Variants in KCNIP4 observed in about 807,000 individuals in gnomAD.
KCNIP4 encodes the protein potassium voltage-gated channel interacting protein 4, also known as Kv channel-interacting protein 4.
KCNIP4 carries 12 observed loss-of-function variants against 34.0 expected under a neutral mutation model. The observed-to-expected ratio is 0.35, with a 90% CI of 0.23 to 0.57. KCNIP4 has a LOEUF of 0.57. Ranked by LOEUF, KCNIP4 falls within the 20% of genes least tolerant of loss-of-function variation. The pLI is 0.83. For synonymous variants in KCNIP4, 124 were observed against 102.2 expected (o/e 1.21, Z -1.29); for missense variants, 238 against 311.7 (o/e 0.76, Z 1.78).
rs543090626 is a variant in KCNIP4, at chr4:21,314,151, C to T, written c.62-431442G>A. Reference sequence around the variant, plus strand: ...ATCTCCTAGACATTGCTCTTGGTGCCGTGTTCTGTCTGCAATGTGGTAGGT... The same window carrying T: ...ATCTCCTAGACATTGCTCTTGGTGCTGTGTTCTGTCTGCAATGTGGTAGGT... On this transcript the variant is annotated intron_variant, in intron 1 of 8. Transcript: ENST00000382152. Among the ~76,000 whole-genome samples the T allele has an allele frequency of 9.9e-5, 15 of 152,242 alleles. No individual in the cohort carries two copies. In the South Asian group the frequency reaches 1.7e-3, roughly 17 times the overall value.
intron 4 of KCNIP4, among the ~76,000 whole-genome samples, chr4:20,755,536 A>C (rs552394341): frequency 6.6e-6 from 1 of 152,218 alleles, no homozygotes; most frequent in Non-Finnish European, 1.5e-5. Flanking sequence ...AACAGTAAAC[A>C]AAGTGGAGAA....
intron 1 of KCNIP4, among the ~76,000 whole-genome samples, chr4:21,334,768 G>A (rs1716004565): frequency 6.6e-6 from 1 of 151,528 alleles, no homozygotes; most frequent in South Asian, 2.1e-4. Context: ...TATACAGTAT[G>A]TGATCTTTTG....
rs111656353 is a variant in KCNIP4, at chr4:20,826,414, A to AT, written c.288+24128dup. On this transcript the variant is annotated intron_variant, in intron 3 of 8. Coordinates refer to ENST00000382152, the MANE Select transcript of KCNIP4 (RefSeq NM_025221.6). ...GCATAGTGAGACCCCCATCTCTAAA[A>AT]TTTTTTTTTTTTTTCCAAAATTTAG... Among the ~76,000 whole-genome samples the AT allele has an allele frequency of 2.2e-3, 325 of 144,810 alleles. 1 individual carries two copies. Among genetic ancestry groups the AT allele is most frequent in the Middle Eastern group, 0.018 (5 of 278 alleles).
intron 1 of KCNIP4, among the ~76,000 whole-genome samples, chr4:21,445,376 A>G (rs539841042): frequency 6.6e-6 from 1 of 151,978 alleles, no homozygotes; most frequent in African/African-American, 2.4e-5. Context: ...TCAAACTATA[A>G]TACAAGGCTA....
chr4:21,723,269 G>C (rs1714954084), intron 1 of KCNIP4, among the ~76,000 whole-genome samples: 1 of 152,094 alleles, frequency 6.6e-6, no homozygotes, highest in Non-Finnish European at 1.5e-5. Context: ...TCCCAAATTT[G>C]AAGACCCTCC....
chr4:21,176,585 C>T (rs1482840482), intron 1 of KCNIP4, among the ~76,000 whole-genome samples: 1 of 152,198 alleles, frequency 6.6e-6, no homozygotes, highest in East Asian at 1.9e-4. Context: ...TGCAATGGCA[C>T]AGTCTTGACT....
intron 1 of KCNIP4, among the ~76,000 whole-genome samples, chr4:21,287,323 T>C (rs1763180522): frequency 6.6e-6 from 1 of 152,186 alleles, no homozygotes; most frequent in South Asian, 2.1e-4. Flanking sequence ...ATAGAATGTA[T>C]TTATAGATAC....
intron 1 of KCNIP4, among the ~76,000 whole-genome samples, chr4:21,189,313 A>AT (rs1241607824): frequency 6.6e-6 from 1 of 152,146 alleles, no homozygotes; most frequent in Non-Finnish European, 1.5e-5. Context: ...AGCTCCATCC[A>AT]TATGCCTTTT....
intron 1 of KCNIP4, among the ~76,000 whole-genome samples, chr4:21,525,913 T>A (rs1182156272): frequency 3.3e-5 from 5 of 152,184 alleles, no homozygotes; most frequent in African/African-American, 1.2e-4. Flanking sequence ...GAAAATTAAA[T>A]TTTATTGAGC....
chr4:21,895,328 C>G (rs901369266), intron 1 of KCNIP4, among the ~76,000 whole-genome samples: 2 of 152,106 alleles, frequency 1.3e-5, no homozygotes, highest in Non-Finnish European at 2.9e-5. Flanking sequence ...AGATAAAACT[C>G]TCTCAAATGG....
chr4:21,227,974 G>A (rs1012406361), intron 1 of KCNIP4, among the ~76,000 whole-genome samples: 1 of 152,138 alleles, frequency 6.6e-6, no homozygotes, highest in Non-Finnish European at 1.5e-5. Context: ...TCATTGTACA[G>A]TGATACTTTT....
intron 1 of KCNIP4, among the ~76,000 whole-genome samples, chr4:21,197,655 G>C (rs11946229): frequency 0.42 from 62,114 of 146,932 alleles, 14,662 homozygotes; most frequent in African/African-American, 0.68. Context: ...CAGAAAGAAA[G>C]AGAAAGTTTC....
intron 1 of KCNIP4, among the ~76,000 whole-genome samples, chr4:21,605,308 C>T (rs1387464699): frequency 1.3e-5 from 2 of 152,132 alleles, no homozygotes; most frequent in African/African-American, 2.4e-5. Flanking sequence ...AATAAACTTT[C>T]CTTGGAGGCT....
chr4:20,925,826 C>T (rs1460574668), intron 1 of KCNIP4, among the ~76,000 whole-genome samples: 2 of 152,120 alleles, frequency 1.3e-5, no homozygotes, highest in African/African-American at 2.4e-5. Context: ...GCACATGGGG[C>T]GAAGTTCAGA....
chr4:20,976,990 C>A lies in KCNIP4; in HGVS notation c.62-94281G>T, dbSNP rs373992806. ...CTGGGATTACAGGCATGCACCACCA[C>A]GCCTGGCTAATTTTGTATTTTTAGT... On this transcript the variant is annotated intron_variant, in intron 1 of 8. Transcript: ENST00000382152. Among the ~76,000 whole-genome samples the A allele has an allele frequency of 4.0e-3, 606 of 152,076 alleles. 3 individuals are homozygous for A. Among genetic ancestry groups the A allele is most frequent in the African/African-American group, 0.014 (566 of 41,468 alleles).
chr4:21,048,897 G>T (rs1451298197), intron 1 of KCNIP4, among the ~76,000 whole-genome samples: 4 of 150,648 alleles, frequency 2.7e-5, no homozygotes, highest in African/African-American at 9.7e-5. Flanking sequence ...GAGAGAGAGA[G>T]AGAGAGATCT....
chr4:21,924,342 C>T (rs1368183953), intron 1 of KCNIP4, among the ~76,000 whole-genome samples: 1 of 148,208 alleles, frequency 6.7e-6, no homozygotes, highest in African/African-American at 2.5e-5. Flanking sequence ...CTCCCCGGTT[C>T]ACGCCATTCT....
chr4:21,249,663 G>A (rs1760545475), intron 1 of KCNIP4, among the ~76,000 whole-genome samples: 1 of 151,996 alleles, frequency 6.6e-6, no homozygotes, highest in African/African-American at 2.4e-5. Flanking sequence ...CAGTGGAGGA[G>A]TTTCAAAGCA....
chr4:21,484,105 T>C (rs1731700016), intron 1 of KCNIP4, among the ~76,000 whole-genome samples: 1 of 152,104 alleles, frequency 6.6e-6, no homozygotes, highest in African/African-American at 2.4e-5. Flanking sequence ...TGCTTATGTA[T>C]ATTGAATCAT....
Sources: gnomAD v4.1 joint callset for allele counts (sites outside exome capture counted in the v4.1 genomes callset) on GRCh38, gnomAD v4.1.1 for gene constraint, MANE v1.5 for transcripts, NCBI Gene and HGNC (gene_info 2026-07-23, HGNC 2026-07-21) for gene names.